SIPA1L2: variants seen among roughly 807,000 people sequenced by gnomAD.
SIPA1L2 encodes signal-induced proliferation-associated 1-like protein 2.
SIPA1L2 carries 56 observed loss-of-function variants against 163.9 expected under a neutral mutation model. The observed-to-expected ratio is 0.34, with a 90% CI of 0.28 to 0.43. The LOEUF is 0.43. Ranked by LOEUF, SIPA1L2 falls within the 20% of genes least tolerant of loss-of-function variation. The pLI, the probability that SIPA1L2 is intolerant of heterozygous loss-of-function variation, is 1.00. For synonymous variants in SIPA1L2, 877 were observed against 865.7 expected (o/e 1.01, Z -0.23); for missense variants, 1,974 against 2,193.5 (o/e 0.90, Z 2.00).
intron 2 of SIPA1L2, among the ~76,000 whole-genome samples, chr1:232,557,662 C>T (rs1185190651): frequency 1.3e-5 from 2 of 152,182 alleles, no homozygotes; most frequent in South Asian, 2.1e-4. Flanking sequence ...TGCCCTATTC[C>T]GTGTTCTGAG....
At chr1:232,495,748 A>G (rs905854147) in intron 3 of SIPA1L2, among the ~76,000 whole-genome samples, 1 of 152,068 alleles carries the variant, frequency 6.6e-6, no homozygotes, top group Admixed American at 6.5e-5. Flanking sequence ...CATGAGGCTG[A>G]AAAACTACTA....
chr1:232,425,533 T>G (rs1661837467), intron 18 of SIPA1L2, 56 bp downstream of exon 18: 6 of 1,384,488 alleles, frequency 4.3e-6, no homozygotes, highest in Non-Finnish European at 3.9e-6. Context: ...GAGGCAGGAG[T>G]TGTGCGATCA....
At position 232,460,987 on chromosome 1, in the gene SIPA1L2, C is replaced by T. The variant is rs774918450; in HGVS notation, c.2995G>A (p.Val999Met). The T allele has an allele frequency of 4.3e-6, 7 of 1,614,136 alleles. No individual in the cohort carries two copies. The highest frequency in any genetic ancestry group is 3.3e-5 in the Admixed American group (2 of 60,016). ...SRLVEICKVA[V>M]ATLTHEQMID... ...ATCTGCTCGTGGGTCAGAGTGGCCA[C>T]GGCTACTTTGCAGATCTCCACGAGG... The change falls in exon 10 of 23, where the codon GTG becomes ATG. Residue 999 changes from valine to methionine, a missense_variant. Val to Met is a conservative substitution (Grantham distance 21). This residue lies in a region of SIPA1L2 where 1,079 missense variants were observed against 1,150.7 expected (regional missense o/e 0.94). Transcript: ENST00000674635.
chr1:232,489,383 T>A (rs1487672511), intron 5 of SIPA1L2, among the ~76,000 whole-genome samples: 1 of 152,216 alleles, frequency 6.6e-6, no homozygotes, highest in African/African-American at 2.4e-5. Context: ...ATATTGTTCA[T>A]ATATATGTTT....
intron 10 of SIPA1L2, among the ~76,000 whole-genome samples, chr1:232,458,834 G>T (rs966918084): frequency 1.3e-5 from 2 of 152,070 alleles, no homozygotes; most frequent in African/African-American, 2.4e-5. Flanking sequence ...TTATTTCCAA[G>T]ACTCATTTTT....
intron 5 of SIPA1L2, among the ~76,000 whole-genome samples, chr1:232,489,970 T>A (rs1665843041): frequency 6.6e-6 from 1 of 152,140 alleles, no homozygotes; most frequent in African/African-American, 2.4e-5. Flanking sequence ...ACATAATTGA[T>A]CTCCACATAG....
chr1:232,501,864 T>C (rs1328478053), intron 3 of SIPA1L2, among the ~76,000 whole-genome samples: 1 of 152,202 alleles, frequency 6.6e-6, no homozygotes, highest in Non-Finnish European at 1.5e-5. Flanking sequence ...GCCGGCTCTC[T>C]CAATCTACTA....
rs116074465 is a variant in SIPA1L2 at position 232,596,284 on chromosome 1, C to T, written c.-318-22062G>A. ...ATCCATTTTCCCTCATGAAACAACA[C>T]AAAACATACAGAACATCACACTAGA... is the stretch of plus-strand genomic sequence containing the variant. On this transcript the variant is annotated intron_variant, in intron 1 of 22. Coordinates refer to ENST00000674635, the MANE Select transcript of SIPA1L2 (RefSeq NM_020808.5). 3.6e-3 allele frequency among the ~76,000 whole-genome samples: 548 copies of T among 152,338 alleles called. 3 individuals are homozygous for T. Among genetic ancestry groups the T allele is most frequent in the African/African-American group, 0.012 (506 of 41,566 alleles).
intron 3 of SIPA1L2, among the ~76,000 whole-genome samples, chr1:232,507,217 T>C (rs1365740711): frequency 6.6e-6 from 1 of 151,686 alleles, no homozygotes; most frequent in East Asian, 1.9e-4. Context: ...TTTGATGACC[T>C]GGACAGCTTT....
intron 2 of SIPA1L2, among the ~76,000 whole-genome samples, chr1:232,527,175 T>G (rs1667748993): frequency 6.6e-6 from 1 of 152,206 alleles, no homozygotes; most frequent in Non-Finnish European, 1.5e-5. Context: ...AACAAGAAAC[T>G]TTGTGGTACA....
chr1:232,576,248 G>T (rs1660071409), intron 1 of SIPA1L2, among the ~76,000 whole-genome samples: 1 of 152,210 alleles, frequency 6.6e-6, no homozygotes. Flanking sequence ...CCTGCATGGA[G>T]CAAGTCTATC....
rs560949113 is a variant in SIPA1L2, at chr1:232,564,149, C to CGT, written c.-270+10023_-270+10024dup. ...GACGAAGGTTGTTTTTTTTTTTTTT[C>CGT]GTGTGTGTGTGTGTGTGTGTGTGTG... On this transcript the variant is annotated intron_variant, in intron 2 of 22. Transcript: ENST00000674635. Among the ~76,000 whole-genome samples the CGT allele has an allele frequency of 4.1e-3, 182 of 44,612 alleles. 35 individuals are homozygous for CGT. Among genetic ancestry groups the CGT allele is most frequent in the Middle Eastern group, 0.042 (1 of 24 alleles). The allele number at this position is 44,612 out of a possible 152,430, so 29.3% of individuals were successfully genotyped here.
intron 1 of SIPA1L2, among the ~76,000 whole-genome samples, chr1:232,628,185 T>C (rs1469012143): frequency 6.6e-6 from 1 of 152,208 alleles, no homozygotes; most frequent in Non-Finnish European, 1.5e-5. Context: ...AACTACGGGC[T>C]ATTGTGCTTG....
At chr1:232,581,145 C>T (rs1284083619) in intron 1 of SIPA1L2, among the ~76,000 whole-genome samples, 7 of 152,196 alleles carry the variant, frequency 4.6e-5, no homozygotes, top group African/African-American at 7.2e-5. Context: ...CTGTCCTCCT[C>T]GTGTCCCTTT....
At chr1:232,572,704 T>TATATATACACACACATATATACATAC (rs1558277226) in intron 2 of SIPA1L2, among the ~76,000 whole-genome samples, 1 of 71,272 alleles carries the variant, frequency 1.4e-5, no homozygotes, top group African/African-American at 6.8e-5. Context: ...CATATATATA[T>TATATATACACACACATATATACATAC]ATATATATAT....
Position 232,432,319 on chromosome 1 carries a change from T to C in SIPA1L2, c.4184A>G (p.Lys1395Arg), listed in dbSNP as rs1408059086. The C allele has an allele frequency of 6.2e-7, 1 of 1,614,176 alleles. No individual in the cohort carries two copies. The highest frequency in any genetic ancestry group is 2.2e-5 in the East Asian group (1 of 44,878). The change falls in exon 16 of 23, where the codon AAA becomes AGA. Residue 1395 changes from lysine (K) to arginine (R), a missense_variant. Physicochemically the swap from Lys to Arg is conservative, Grantham distance 26. Coordinates refer to ENST00000674635, the MANE Select transcript of SIPA1L2 (RefSeq NM_020808.5). ...CGATTTCTTCCAGCCGATGACATAT[T>C]TGTTCACTGCCCCTTGTCTGTGGTA... ...KPYHRQGAVNKYVIGWKKSEG... is the reference protein window; with the variant it reads ...KPYHRQGAVNRYVIGWKKSEG...
intron 2 of SIPA1L2, among the ~76,000 whole-genome samples, chr1:232,524,083 G>A (rs1667578364): frequency 6.6e-6 from 1 of 152,224 alleles, no homozygotes; most frequent in African/African-American, 2.4e-5. Flanking sequence ...ACTGAGTTTT[G>A]CTGAACAGTT....
rs770305967 is a variant in SIPA1L2 at position 232,460,957 on chromosome 1, C to T, written c.3025G>A (p.Asp1009Asn). 27 of 1,614,142 alleles carry T rather than the reference C, an allele frequency of 1.7e-5. No homozygotes were observed. The Admixed American group carries it at 3.7e-4, about 22-fold the overall frequency. ...VATLTHEQMI[D>N]LLRTSVTVKV... ...ACAGTCACAGAAGTACGGAGCAGGTCGATCATCTGCTCGTGGGTCAGAGTG... is the reference window on the plus strand; with the variant it reads ...ACAGTCACAGAAGTACGGAGCAGGTTGATCATCTGCTCGTGGGTCAGAGTG... Residue 1009 changes from aspartate to asparagine, a missense_variant, in exon 10 of 23, where the codon GAC becomes AAC. Asp to Asn is a conservative substitution (Grantham distance 23). Transcript: ENST00000674635.
chr1:232,574,160 G>C lies in SIPA1L2; in HGVS notation c.-270+14C>G, dbSNP rs1246633569. On this transcript the variant is annotated intron_variant, in intron 2 of 22. Transcript: ENST00000674635. ...TGCCTCTCTGAAGTGAGGATGCCTT[G>C]CTTGCAGGCTTACCTGAGTGGGGAA... Among the ~76,000 whole-genome samples, 2 of 152,156 alleles carry C rather than the reference G, an allele frequency of 1.3e-5. No homozygotes were observed. Among genetic ancestry groups the C allele is most frequent in the Non-Finnish European group, 2.9e-5 (2 of 68,026 alleles).
Sources: allele counts gnomAD v4.1 joint callset (sites outside exome capture counted in the v4.1 genomes callset), GRCh38; gene constraint gnomAD v4.1.1; regional missense constraint gnomAD v4.1.1; transcripts MANE v1.5; gene names NCBI Gene and HGNC (gene_info 2026-07-23, HGNC 2026-07-21).